Variants in UBAC1 observed in about 807,000 individuals in gnomAD.
UBAC1 encodes UBA domain containing 1, also known as ubiquitin-associated domain-containing protein 1.
A neutral mutation model predicts 45.9 loss-of-function variants in UBAC1; 27 were observed. That is an observed-to-expected ratio of 0.59 (90% confidence interval 0.43 to 0.81). The LOEUF (loss-of-function observed/expected upper bound fraction) is 0.81. Among genes scored for constraint, UBAC1 ranks in the 30% least tolerant of loss-of-function variants. UBAC1 has a pLI of 0.00. For missense variants in UBAC1, 529 were observed against 539.2 expected, an observed-to-expected ratio of 0.98 and a Z score of 0.19; for synonymous variants, 227 against 215.5, an observed-to-expected ratio of 1.05 and a Z score of -0.47.
At chr9:135,948,055 G>C (rs1448897490) in intron 3 of UBAC1, 150 bp from the exon 4 acceptor site, 3 of 675,504 alleles carry the variant, frequency 4.4e-6, no homozygotes, top group Non-Finnish European at 7.5e-6. Flanking sequence ...GGGGAGCCTG[G>C]AGAGTTCTGT....
rs34292104 is a variant in UBAC1, at chr9:135,959,372, GTTTTT to G, written c.138+1648_138+1652del. 7.1e-3 allele frequency among the ~76,000 whole-genome samples: 705 copies of G among 99,832 alleles called. 5 individuals carry two copies. The highest frequency in any genetic ancestry group is 0.025 in the African/African-American group (651 of 26,384). 65.5% of individuals were successfully genotyped at this position (99,832 alleles called of 152,430 possible). ...AGAAGTTTCTAGGGTTTTTTGTCTG[GTTTTT>G]TTTTTTTTTTTTTTTTGAGACGGAG... On this transcript the variant is annotated intron_variant, in intron 1 of 9. Coordinates refer to ENST00000371756, the MANE Select transcript of UBAC1 (RefSeq NM_016172.3).
At chr9:135,953,409 C>T (rs535447942) in intron 3 of UBAC1, among the ~76,000 whole-genome samples, 18 of 152,234 alleles carry the variant, frequency 1.2e-4, no homozygotes, top group Non-Finnish European at 2.4e-4. Flanking sequence ...CTCTGCCTCC[C>T]GGGTTCAAGA....
At chr9:135,936,288 T>C (rs1301832035) in intron 9 of UBAC1, among the ~76,000 whole-genome samples, 3 of 152,124 alleles carry the variant, frequency 2.0e-5, no homozygotes, top group Non-Finnish European at 4.4e-5. Flanking sequence ...ATGCTTTCAG[T>C]GTGAAAGGAA....
chr9:135,938,087 G>A (rs1280499590), intron 9 of UBAC1, 135 bp downstream of exon 9: 17 of 1,370,924 alleles, frequency 1.2e-5, no homozygotes, highest in Non-Finnish European at 1.5e-5. Context: ...CAACCTGCAT[G>A]GCAGGACGTG....
chr9:135,957,268 C>A (rs1459184261), intron 1 of UBAC1, among the ~76,000 whole-genome samples: 1 of 152,136 alleles, frequency 6.6e-6, no homozygotes, highest in African/African-American at 2.4e-5. Context: ...CACACTCCTG[C>A]CATTTACAAC....
Position 135,961,206 on chromosome 9 carries a change from G to A in UBAC1, c.-44C>T. ...GCCTGCGCCCGCCACCCGGGCCCCTGAAGGTCACCGGGAAGGCGGGCGGGG... is the reference window on the plus strand; with the variant it reads ...GCCTGCGCCCGCCACCCGGGCCCCTAAAGGTCACCGGGAAGGCGGGCGGGG... On this transcript the variant is annotated 5_prime_UTR_variant, in exon 1 of 10. Transcript: ENST00000371756. 1 of 1,463,146 alleles carries A rather than the reference G, an allele frequency of 6.8e-7. No homozygotes were observed. The highest frequency in any genetic ancestry group is 9.0e-7 in the Non-Finnish European group (1 of 1,115,382). 90.6% of individuals were successfully genotyped at this position (1,463,146 alleles called of 1,614,324 possible).
At chr9:135,947,737 C>G in intron 4 of UBAC1, 61 bp downstream of exon 4, 1 of 1,429,854 alleles carries the variant, frequency 7.0e-7, no homozygotes, top group African/African-American at 1.4e-5. Context: ...AGGAACCCCC[C>G]CACAGCAATC....
At chr9:135,933,999 T>C (rs1839176938) in intron 9 of UBAC1, among the ~76,000 whole-genome samples, 1 of 152,224 alleles carries the variant, frequency 6.6e-6, no homozygotes. Flanking sequence ...ACAGCACTTC[T>C]TCAAAATGAA....
chr9:135,948,490 G>T (rs1036868469), intron 3 of UBAC1, among the ~76,000 whole-genome samples: 1 of 152,272 alleles, frequency 6.6e-6, no homozygotes, highest in Admixed American at 6.5e-5. Context: ...GGTGGCAGGG[G>T]ACAAGGAGCG....
intron 5 of UBAC1, 44 bp downstream of exon 5, chr9:135,946,225 G>A (rs369649922): frequency 7.7e-5 from 108 of 1,398,920 alleles, no homozygotes; most frequent in Non-Finnish European, 9.9e-5. Flanking sequence ...CCCCAAGGCC[G>A]GCAGTGAACC....
At chr9:135,938,092 G>A (rs1744034850) in intron 9 of UBAC1, 130 bp downstream of exon 9, 1 of 1,390,500 alleles carries the variant, frequency 7.2e-7, no homozygotes, top group Non-Finnish European at 9.7e-7. Context: ...TGCATGGCAG[G>A]ACGTGCTGCC....
At position 135,933,337 on chromosome 9, in the gene UBAC1, T is replaced by G. The variant is rs547306726; in HGVS notation, c.*63A>C. The G allele has an allele frequency of 1.3e-5, 19 of 1,419,440 alleles. 1 individual carries two copies. The highest frequency in any genetic ancestry group is 1.2e-4 in the South Asian group (10 of 86,412). 87.9% of individuals were successfully genotyped at this position (1,419,440 alleles called of 1,614,324 possible). A position where few individuals can be genotyped will look rare whatever the true frequency, so the allele number is the denominator to read the frequency against. ...GTGAGTTTCCAGGTGAGGTCCACTCTGCCCGGTCTCGGGCCGCACCAGGGG... is the reference window on the plus strand; with the variant it reads ...GTGAGTTTCCAGGTGAGGTCCACTCGGCCCGGTCTCGGGCCGCACCAGGGG... On this transcript the variant is annotated 3_prime_UTR_variant, in exon 10 of 10. Transcript: ENST00000371756.
Position 135,946,176 on chromosome 9 carries a change from G to A in UBAC1, c.544+93C>T, listed in dbSNP as rs1839331590. ...CATCAGCGCTTCCATAAAGCACTGA[G>A]GTTCCGGTCAGTGGTCAGTGCGTGG... On this transcript the variant is annotated intron_variant, in intron 5 of 9. Transcript: ENST00000371756. 2.7e-6 allele frequency: 3 copies of A among 1,093,038 alleles called. No homozygotes were observed. The East Asian group carries it at 7.1e-5, about 26-fold the overall frequency. 67.7% of individuals were successfully genotyped at this position (1,093,038 alleles called of 1,614,324 possible). A position where few individuals can be genotyped will look rare whatever the true frequency, so the allele number is the denominator to read the frequency against.
At chr9:135,942,759 G>T (rs1490364141) in intron 7 of UBAC1, among the ~76,000 whole-genome samples, 1 of 152,240 alleles carries the variant, frequency 6.6e-6, no homozygotes, top group Non-Finnish European at 1.5e-5. Context: ...CTAGCCCTGG[G>T]AGAGGGTGTG....
chr9:135,943,288 G>A (rs962153155), intron 7 of UBAC1, among the ~76,000 whole-genome samples: 4 of 152,166 alleles, frequency 2.6e-5, no homozygotes, highest in Non-Finnish European at 5.9e-5. Context: ...GGCGTGGTGG[G>A]TGTGTGCCTG....
intron 4 of UBAC1, 128 bp from the exon 5 acceptor site, chr9:135,946,499 G>A (rs1839338324): frequency 1.5e-6 from 1 of 676,576 alleles, no homozygotes. Context: ...TTGCAAGACA[G>A]CAGGATCAGC....
At chr9:135,935,929 G>A (rs1269523739) in intron 9 of UBAC1, among the ~76,000 whole-genome samples, 3 of 151,734 alleles carry the variant, frequency 2.0e-5, no homozygotes, top group Non-Finnish European at 4.4e-5. Flanking sequence ...AGGAGGCTGA[G>A]GCAGGAGAAT....
Position 135,933,339 on chromosome 9 carries a change from C to T in UBAC1, c.*61G>A. 6.9e-7 allele frequency: 1 copy of T among 1,446,782 alleles called. No homozygotes were observed. Among genetic ancestry groups the T allele is most frequent in the African/African-American group, 1.4e-5 (1 of 71,698 alleles). 89.6% of individuals were successfully genotyped at this position (1,446,782 alleles called of 1,614,324 possible). Reference sequence around the variant, plus strand: ...GAGTTTCCAGGTGAGGTCCACTCTGCCCGGTCTCGGGCCGCACCAGGGGGC... The same window carrying T: ...GAGTTTCCAGGTGAGGTCCACTCTGTCCGGTCTCGGGCCGCACCAGGGGGC... On this transcript the variant is annotated 3_prime_UTR_variant, in exon 10 of 10. Coordinates refer to ENST00000371756, the MANE Select transcript of UBAC1 (RefSeq NM_016172.3).
intron 3 of UBAC1, among the ~76,000 whole-genome samples, chr9:135,950,998 T>C (rs1312314149): frequency 6.6e-6 from 1 of 151,908 alleles, no homozygotes; most frequent in Non-Finnish European, 1.5e-5. Context: ...CTCCTGGGGC[T>C]AAGGGAGAAG....
Sources: gnomAD v4.1 joint callset for allele counts (sites outside exome capture counted in the v4.1 genomes callset) on GRCh38, gnomAD v4.1.1 for gene constraint, MANE v1.5 for transcripts, NCBI Gene and HGNC (gene_info 2026-07-23, HGNC 2026-07-21) for gene names.